The following P3H3 variants were observed in gnomAD, a reference collection of about 807,000 sequenced individuals.
P3H3 encodes the protein gene rich cluster, B.
A neutral mutation model predicts 78.1 loss-of-function variants in P3H3; 64 were observed. The ratio of observed to expected loss-of-function variants is 0.82; its 90% CI spans 0.67 to 1.01. The LOEUF is 1.01. Among genes scored for constraint, P3H3 ranks in the 50% least tolerant of loss-of-function variants. The pLI, the probability that P3H3 is intolerant of heterozygous loss-of-function variation, is 0.00. For synonymous variants in P3H3, 425 were observed against 416.7 expected (o/e 1.02, Z -0.24); for missense variants, 975 against 982.2 (o/e 0.99, Z 0.10).
In P3H3 at chr12:6,837,484, G is replaced by C. The variant is rs111999439; in HGVS notation, c.1622G>C (p.Arg541Pro). 2 of 1,611,442 alleles carry C rather than the reference G, an allele frequency of 1.2e-6. No individual in the cohort carries two copies. Among genetic ancestry groups the C allele is most frequent in the Admixed American group, 1.7e-5 (1 of 59,672 alleles). ...AAGCTGCTTCTGGAGGTGAGCGAGC[G>C]GGTGCGGACCTTGACCCAGGCCTAC... is the stretch of plus-strand genomic sequence containing the variant. ...GAKLLLEVSE[R>P]VRTLTQAYFS... is the part of the protein sequence containing the mutation. Residue 541 changes from arginine to proline, a missense_variant, in exon 11 of 15, where the codon CGG becomes CCG. Arg to Pro is a moderately radical substitution (Grantham distance 103, BLOSUM62 -2). Transcript: ENST00000290510.
rs782022531 is a variant in P3H3 at position 6,833,791 on chromosome 12, CCCTTGA to C, written c.1319_1324del (p.Leu440_Thr441del). The C allele has an allele frequency of 6.2e-7, 1 of 1,612,018 alleles. No homozygotes were observed. The highest frequency in any genetic ancestry group is 2.2e-5 in the East Asian group (1 of 44,874). On this transcript the variant is annotated inframe_deletion, in exon 8 of 15. Transcript: ENST00000290510. Reference sequence around the variant, plus strand: ...GGACCATGAGCCCGTGAAGCCAAAGCCCTTGACCTACTGGAAGGGTGAGTTCCTGGG... The same window carrying C: ...GGACCATGAGCCCGTGAAGCCAAAGCCCTACTGGAAGGGTGAGTTCCTGGG...
intron 6 of P3H3, chr12:6,833,375 G>A: frequency 1.7e-6 from 1 of 578,150 alleles, no homozygotes; most frequent in Non-Finnish European, 3.1e-6. Flanking sequence ...TCTTAGAATA[G>A]CCCCTAGCAG....
Position 6,829,053 on chromosome 12 carries a change from G to A in P3H3, c.498+115G>A. 1 of 645,642 alleles carries A rather than the reference G, an allele frequency of 1.5e-6. No individual in the cohort carries two copies. The highest frequency in any genetic ancestry group is 2.2e-6 in the Non-Finnish European group (1 of 452,730). 40.0% of individuals were successfully genotyped at this position (645,642 alleles called of 1,614,324 possible). A position where few individuals can be genotyped will look rare whatever the true frequency, so the allele number is the denominator to read the frequency against. On this transcript the variant is annotated intron_variant, in intron 1 of 14. Transcript: ENST00000290510. The surrounding 1 kb of genome is among the most constrained non-coding windows in gnomAD (Gnocchi z 5.1). Reference sequence around the variant, plus strand: ...TTGCCCGGGCCCCGCACGGGGCTGGGGAGCGTACCGCGGGCCTCTGCGTAG... The same window carrying A: ...TTGCCCGGGCCCCGCACGGGGCTGGAGAGCGTACCGCGGGCCTCTGCGTAG...
chr12:6,838,150 A>G, intron 13 of P3H3, 117 bp downstream of exon 13: 1 of 1,371,702 alleles, frequency 7.3e-7, no homozygotes, highest in South Asian at 1.3e-5. Flanking sequence ...TAACCCTTTC[A>G]CTTCCCCGCC....
chr12:6,835,573 A>G (rs1287879061), intron 9 of P3H3, among the ~76,000 whole-genome samples: 1 of 152,200 alleles, frequency 6.6e-6, no homozygotes, highest in East Asian at 1.9e-4. Context: ...AACAAGATCA[A>G]AACTCCGCCT....
chr12:6,830,605 A>C (rs1555121224), intron 3 of P3H3, 34 bp from the exon 4 acceptor site: 1 of 1,597,382 alleles, frequency 6.3e-7, no homozygotes, highest in African/African-American at 1.3e-5. Flanking sequence ...GAGGGGCATG[A>C]ACAAGCTGAA....
intron 9 of P3H3, among the ~76,000 whole-genome samples, chr12:6,836,102 T>C (rs1943493312): frequency 6.6e-6 from 1 of 151,856 alleles, no homozygotes; most frequent in African/African-American, 2.4e-5. Flanking sequence ...CGCCTATATG[T>C]TCCCACCTAC....
At position 6,828,664 on chromosome 12, in the gene P3H3, T is replaced by G. The variant is rs2137955636; in HGVS notation, c.224T>G (p.Leu75Arg). The G allele has an allele frequency of 8.1e-7, 1 of 1,232,176 alleles. No homozygotes were observed. The highest frequency in any genetic ancestry group is 1.0e-6 in the Non-Finnish European group (1 of 987,838). 76.3% of individuals were successfully genotyped at this position (1,232,176 alleles called of 1,614,324 possible). The change falls in exon 1 of 15, where the codon CTG becomes CGG. Residue 75 changes from leucine to arginine, a missense_variant. Physicochemically the swap from Leu to Arg is moderately radical, Grantham distance 102. Coordinates refer to ENST00000290510, the MANE Select transcript of P3H3 (RefSeq NM_014262.5). ...RSQAALGRVR[L>R]DCGASCAADP... Reference sequence around the variant, plus strand: ...CAGGCGGCGCTGGGCCGGGTGCGGCTGGATTGCGGGGCGAGCTGCGCGGCC... The same window carrying G: ...CAGGCGGCGCTGGGCCGGGTGCGGCGGGATTGCGGGGCGAGCTGCGCGGCC...
Position 6,832,012 on chromosome 12 carries a change from C to G in P3H3, c.1212+98C>G, listed in dbSNP as rs1371021214. 4 of 724,162 alleles carry G rather than the reference C, an allele frequency of 5.5e-6. No homozygotes were observed. The African/African-American group carries it at 7.1e-5, about 13-fold the overall frequency. 44.9% of individuals were successfully genotyped at this position (724,162 alleles called of 1,614,324 possible). ...AGTTTTCCATTTTTCCACCATGAGG[C>G]TTGGAGAAGAGTCTGCCATCCCAGT... On this transcript the variant is annotated intron_variant, in intron 6 of 14. Transcript: ENST00000290510.
intron 4 of P3H3, 39 bp downstream of exon 4, chr12:6,830,809 G>T (rs1555121293): frequency 6.2e-7 from 1 of 1,613,062 alleles, no homozygotes; most frequent in Non-Finnish European, 8.5e-7. Flanking sequence ...GTGAAGATTT[G>T]CCTCTGCTGC....
chr12:6,832,118 CCA>C (rs1231417407), intron 6 of P3H3, among the ~76,000 whole-genome samples: 3 of 152,124 alleles, frequency 2.0e-5, no homozygotes, highest in Admixed American at 6.6e-5. Context: ...CTCCTCTGCC[CCA>C]AACATCTCTG....
chr12:6,831,834 C>T lies in P3H3; in HGVS notation c.1132C>T (p.Arg378Cys), dbSNP rs1555121483. 4 of 1,602,918 alleles carry T rather than the reference C, an allele frequency of 2.5e-6. No homozygotes were observed. The highest frequency in any genetic ancestry group is 2.6e-6 in the Non-Finnish European group (3 of 1,172,372). Residue 378 changes from arginine to cysteine, a missense_variant, in exon 6 of 15, where the codon CGC becomes TGC. Physicochemically the swap from Arg to Cys is radical, Grantham distance 180. Coordinates refer to ENST00000290510, the MANE Select transcript of P3H3 (RefSeq NM_014262.5). This position sits in a 1 kb window ranked among gnomAD's most constrained non-coding sequence, Gnocchi z 4.6. The part of the protein sequence containing the change: ...PGLGPREDIQ[R>C]FILRSLGEKR... ...ATCATCTCACCCTCAGGACATCCAGCGCTTCATCCTCCGATCCCTGGGGGA... is the reference window on the plus strand; with the variant it reads ...ATCATCTCACCCTCAGGACATCCAGTGCTTCATCCTCCGATCCCTGGGGGA...
Position 6,829,254 on chromosome 12 carries a change from C to A in P3H3, c.498+316C>A. The A allele has an allele frequency of 3.1e-6, 1 of 317,686 alleles. No individual in the cohort carries two copies. The highest frequency in any genetic ancestry group is 5.7e-6 in the Non-Finnish European group (1 of 174,206). 19.7% of individuals were successfully genotyped at this position (317,686 alleles called of 1,614,324 possible). On this transcript the variant is annotated intron_variant, in intron 1 of 14. Coordinates refer to ENST00000290510, the MANE Select transcript of P3H3 (RefSeq NM_014262.5). This position sits in a 1 kb window ranked among gnomAD's most constrained non-coding sequence, Gnocchi z 5.1. Reference sequence around the variant, plus strand: ...GAAGCGGAGGCGGTGGGGGCGAAACCGGCTCTCGGACGGGAAGTGTGCGTG... The same window carrying A: ...GAAGCGGAGGCGGTGGGGGCGAAACAGGCTCTCGGACGGGAAGTGTGCGTG...
chr12:6,830,566 G>A lies in P3H3; in HGVS notation c.853+12G>A, dbSNP rs193250250. 155 of 1,576,756 alleles carry A rather than the reference G, an allele frequency of 9.8e-5. No homozygotes were observed. In the African/African-American group the frequency reaches 1.5e-3, roughly 16 times the overall value. ...TGAGGCCATTGCAGGTAAGGGTCCC[G>A]TGTGTGAGGGGGTGGGTCGGTGCCC... On this transcript the variant is annotated intron_variant, in intron 3 of 14. Transcript: ENST00000290510.
At chr12:6,832,040 T>G (rs1943455481) in intron 6 of P3H3, 126 bp downstream of exon 6, 3 of 647,964 alleles carry the variant, frequency 4.6e-6, no homozygotes, top group South Asian at 3.6e-5. Flanking sequence ...ATCCCAGTTT[T>G]ACAGGGACGG....
intron 9 of P3H3, among the ~76,000 whole-genome samples, chr12:6,835,755 C>T (rs1555122039): frequency 6.6e-6 from 1 of 152,098 alleles, no homozygotes; most frequent in Admixed American, 6.5e-5. Context: ...GGAGTTTGGG[C>T]TTTATCTGTG....
rs1225236816 is a variant in P3H3, at chr12:6,829,129, G to C, written c.498+191G>C. On this transcript the variant is annotated intron_variant, in intron 1 of 14. Transcript: ENST00000290510. This position sits in a 1 kb window ranked among gnomAD's most constrained non-coding sequence, Gnocchi z 5.1. ...CTCTTGAGATCGCAGAGGAGCAGCCGAGGGGGAGTGCGAGCAGAATGGGAA... is the reference window on the plus strand; with the variant it reads ...CTCTTGAGATCGCAGAGGAGCAGCCCAGGGGGAGTGCGAGCAGAATGGGAA... The C allele has an allele frequency of 1.0e-5, 4 of 400,150 alleles. No homozygotes were observed. Among genetic ancestry groups the C allele is most frequent in the Non-Finnish European group, 1.3e-5 (3 of 228,822 alleles). The allele number at this position is 400,150 out of a possible 1,614,324, so 24.8% of individuals were successfully genotyped here.
chr12:6,835,998 G>A (rs992309391), intron 9 of P3H3, among the ~76,000 whole-genome samples: 1 of 152,222 alleles, frequency 6.6e-6, no homozygotes, highest in Admixed American at 6.5e-5. Flanking sequence ...GGCTGAGGCA[G>A]GCGAATGGCT....
intron 6 of P3H3, among the ~76,000 whole-genome samples, chr12:6,832,521 G>A (rs1555121597): frequency 6.6e-6 from 1 of 152,164 alleles, no homozygotes; most frequent in East Asian, 1.9e-4. Context: ...TCCACACTTT[G>A]CCTAATGACC....
Sources: allele counts gnomAD v4.1 joint callset (sites outside exome capture counted in the v4.1 genomes callset), GRCh38; gene constraint gnomAD v4.1.1; non-coding constraint Gnocchi (gnomAD v3.1); transcripts MANE v1.5; gene names NCBI Gene and HGNC (gene_info 2026-07-23, HGNC 2026-07-21).